Variants in FAM117B observed in about 807,000 individuals in gnomAD.
The protein encoded by FAM117B is family with sequence similarity 117 member B.
Under a neutral mutation model 52.8 loss-of-function variants are expected in FAM117B, and 22 were observed. The observed-to-expected ratio is 0.42, with a 90% CI of 0.30 to 0.59. The LOEUF is 0.59. Ranked by LOEUF, FAM117B falls within the 20% of genes least tolerant of loss-of-function variation. The pLI is 0.22. For synonymous variants in FAM117B, 309 were observed against 324.1 expected, an observed-to-expected ratio of 0.95 and a Z score of 0.50; for missense variants, 678 against 802.6, an observed-to-expected ratio of 0.84 and a Z score of 1.88.
rs908528669 is a variant in FAM117B, at chr2:202,755,405, G to T, written c.961-133G>T. ...TCATACATGCTAAGGAGCAGGTTTG[G>T]TCACTCACACTTTTTGTGAGGCCTG... On this transcript the variant is annotated intron_variant, in intron 4 of 7. Transcript: ENST00000392238. The T allele has an allele frequency of 9.6e-6, 10 of 1,039,344 alleles. No homozygotes were observed. The African/African-American group carries it at 1.6e-4, about 17-fold the overall frequency. 64.4% of individuals were successfully genotyped at this position (1,039,344 alleles called of 1,614,324 possible). A position where few individuals can be genotyped will look rare whatever the true frequency, so the allele number is the denominator to read the frequency against.
chr2:202,644,043 T>C (rs911036555), intron 1 of FAM117B, among the ~76,000 whole-genome samples: 1 of 147,636 alleles, frequency 6.8e-6, no homozygotes, highest in African/African-American at 2.6e-5. Flanking sequence ...ATACTACTGC[T>C]TTAGGAGCTG....
intron 4 of FAM117B, among the ~76,000 whole-genome samples, chr2:202,739,239 C>T (rs931025925): frequency 6.6e-5 from 10 of 152,070 alleles, no homozygotes; most frequent in Admixed American, 6.6e-4. Flanking sequence ...TTCTTTGTCC[C>T]TAACTTTGAA....
At chr2:202,722,437 G>A (rs1396730542) in intron 2 of FAM117B, among the ~76,000 whole-genome samples, 1 of 152,138 alleles carries the variant, frequency 6.6e-6, no homozygotes, top group African/African-American at 2.4e-5. Context: ...CCCATCAACA[G>A]TAGCCTGGAT....
At chr2:202,723,769 CTGTGCAGGATAAAT>C (rs1453904740) in intron 2 of FAM117B, among the ~76,000 whole-genome samples, 1 of 152,164 alleles carries the variant, frequency 6.6e-6, no homozygotes, top group Non-Finnish European at 1.5e-5. Context: ...CATTTGGTAT[CTGTGCAGGATAAAT>C]TGTTAAATAA....
intron 4 of FAM117B, among the ~76,000 whole-genome samples, chr2:202,731,368 T>TATATATAGATAG: frequency 1.0e-5 from 1 of 95,840 alleles, no homozygotes; most frequent in Non-Finnish European, 2.2e-5. Flanking sequence ...TATATATATA[T>TATATATAGATAG]GGAGAGAGAG....
intron 1 of FAM117B, among the ~76,000 whole-genome samples, chr2:202,676,413 C>G (rs1343318533): frequency 6.9e-6 from 1 of 145,260 alleles, no homozygotes; most frequent in Non-Finnish European, 1.5e-5. Context: ...GAGTTTCGCT[C>G]TTGTTGCCCA....
intron 2 of FAM117B, among the ~76,000 whole-genome samples, chr2:202,712,880 G>A (rs1054252116): frequency 6.6e-6 from 1 of 152,072 alleles, no homozygotes. Context: ...TTGCATCCCT[G>A]GGATAAATTC....
chr2:202,654,870 C>A lies in FAM117B; in HGVS notation c.601+19082C>A, dbSNP rs114915441. Among the ~76,000 whole-genome samples, 1,501 of 151,926 alleles carry A rather than the reference C, an allele frequency of 9.9e-3. 22 individuals carry two copies. The highest frequency in any genetic ancestry group is 0.034 in the African/African-American group (1,404 of 41,452). The stretch of plus-strand genomic sequence containing the variant: ...GGGCATTTATTTCTTTTTCTCTTTA[C>A]AAATTACTCTAGTAAAAACACCTTT... On this transcript the variant is annotated intron_variant, in intron 1 of 7. Transcript: ENST00000392238.
chr2:202,724,464 A>G (rs1691205782), intron 2 of FAM117B, among the ~76,000 whole-genome samples: 1 of 152,154 alleles, frequency 6.6e-6, no homozygotes, highest in African/African-American at 2.4e-5. Context: ...CGCTTGTAAC[A>G]CCTTAGGCAA....
chr2:202,693,607 A>T (rs1356820151), intron 1 of FAM117B, among the ~76,000 whole-genome samples: 1 of 152,216 alleles, frequency 6.6e-6, no homozygotes, highest in Non-Finnish European at 1.5e-5. Context: ...AAAACAAAAC[A>T]AAACAAACAC....
At chr2:202,761,812 C>G (rs764790695) in intron 7 of FAM117B, among the ~76,000 whole-genome samples, 5 of 152,128 alleles carry the variant, frequency 3.3e-5, no homozygotes, top group African/African-American at 1.2e-4. Context: ...CAGGCATGAG[C>G]CACCGTGCCT....
intron 2 of FAM117B, among the ~76,000 whole-genome samples, chr2:202,720,555 C>T (rs1574568770): frequency 1.3e-5 from 2 of 151,340 alleles, no homozygotes; most frequent in South Asian, 4.2e-4. Context: ...ATTAACAATT[C>T]CATAATATCA....
intron 1 of FAM117B, among the ~76,000 whole-genome samples, chr2:202,680,348 AACATGGC>A (rs1690443829): frequency 6.6e-6 from 1 of 152,218 alleles, no homozygotes; most frequent in South Asian, 2.1e-4. Flanking sequence ...GCAGCACACC[AACATGGC>A]ACATGTATAC....
intron 1 of FAM117B, among the ~76,000 whole-genome samples, chr2:202,675,884 C>T (rs770867907): frequency 2.0e-5 from 3 of 148,484 alleles, no homozygotes; most frequent in East Asian, 2.0e-4. Flanking sequence ...ACTCGGGAGG[C>T]GGAGGCAGGA....
chr2:202,667,580 T>C (rs1690225472), intron 1 of FAM117B, among the ~76,000 whole-genome samples: 1 of 152,140 alleles, frequency 6.6e-6, no homozygotes, highest in Non-Finnish European at 1.5e-5. Context: ...GATAATTATG[T>C]AGAGAGGAAT....
In FAM117B at chr2:202,764,128, T is replaced by C. The variant is rs55705277; in HGVS notation, c.1452-1318T>C. Among the ~76,000 whole-genome samples the C allele has an allele frequency of 8.1e-3, 1,232 of 152,330 alleles. 6 individuals carry two copies. The highest frequency in any genetic ancestry group is 0.013 in the Non-Finnish European group (892 of 68,040). On this transcript the variant is annotated intron_variant, in intron 7 of 7. Transcript: ENST00000392238. ...ACAAGATTATAAAGGAAGCTAGTTATGTTGAAACACAGCTCTGTCCCCATC... is the reference window on the plus strand; with the variant it reads ...ACAAGATTATAAAGGAAGCTAGTTACGTTGAAACACAGCTCTGTCCCCATC...
chr2:202,667,154 G>A (rs978746359), intron 1 of FAM117B, among the ~76,000 whole-genome samples: 1 of 151,948 alleles, frequency 6.6e-6, no homozygotes, highest in Non-Finnish European at 1.5e-5. Flanking sequence ...AGGCTGGAGT[G>A]CAGTGGTGCG....
At chr2:202,661,942 C>T (rs1358838715) in intron 1 of FAM117B, among the ~76,000 whole-genome samples, 2 of 146,312 alleles carry the variant, frequency 1.4e-5, no homozygotes, top group South Asian at 2.1e-4. Context: ...AAAAAAAGAT[C>T]AACAATCCCA....
At chr2:202,677,162 G>C (rs371673980) in intron 1 of FAM117B, among the ~76,000 whole-genome samples, 119 of 152,002 alleles carry the variant, frequency 7.8e-4, no homozygotes, top group African/African-American at 2.8e-3. Flanking sequence ...CCGCCTCCGG[G>C]GTTTAAGTGA....
Sources: gnomAD v4.1 joint callset for allele counts (sites outside exome capture counted in the v4.1 genomes callset) on GRCh38, gnomAD v4.1.1 for gene constraint, MANE v1.5 for transcripts, NCBI Gene and HGNC (gene_info 2026-07-23, HGNC 2026-07-21) for gene names.